Variants in GYPB observed in about 807,000 individuals in gnomAD.
GYPB encodes the protein glycophorin B (MNS blood group), also known as glycophorin-B.
In GYPB, 13 loss-of-function variants were observed where a neutral mutation model predicts 15.3. That is an observed-to-expected ratio of 0.85 (90% CI 0.55 to 1.35). GYPB has a LOEUF of 1.35. GYPB is among the 40% of genes most tolerant of loss of function. The probability of loss-of-function intolerance (pLI) is 0.00; values close to 1 mark genes in which losing one functional copy is unlikely to be tolerated. For missense variants in GYPB, 131 were observed against 108.3 expected, an observed-to-expected ratio of 1.21 and a Z score of -0.93; for synonymous variants, 38 against 36.9, an observed-to-expected ratio of 1.03 and a Z score of -0.11.
At chr4:144,013,867 C>T (rs1408417085) in intron 1 of GYPB, among the ~76,000 whole-genome samples, 1 of 150,172 alleles carries the variant, frequency 6.7e-6, no homozygotes, top group African/African-American at 2.5e-5. Context: ...CACATGTATA[C>T]ATATGTAACC....
At chr4:143,996,780 A>T (rs1278098076) in intron 4 of GYPB, among the ~76,000 whole-genome samples, 1 of 75,006 alleles carries the variant, frequency 1.3e-5, no homozygotes, top group Non-Finnish European at 2.8e-5. Context: ...TCAAAAAAAA[A>T]TTTAAAAAAC....
intron 1 of GYPB, among the ~76,000 whole-genome samples, chr4:144,006,233 A>G (rs1182446165): frequency 6.6e-6 from 1 of 151,952 alleles, no homozygotes; most frequent in Admixed American, 6.5e-5. Context: ...CTAGAAAATG[A>G]AATATTCAAA....
intron 1 of GYPB, among the ~76,000 whole-genome samples, chr4:144,016,064 C>G (rs963994288): frequency 5.0e-5 from 7 of 139,680 alleles, no homozygotes; most frequent in African/African-American, 1.9e-4. Flanking sequence ...TCATGTATTC[C>G]CTGGCATACA....
chr4:144,005,487 T>C (rs1161325588), intron 1 of GYPB, among the ~76,000 whole-genome samples: 5 of 151,936 alleles, frequency 3.3e-5, no homozygotes, highest in Non-Finnish European at 7.3e-5. Context: ...ATGATTTTTT[T>C]CCACACTAAT....
chr4:144,015,349 C>T (rs972046473), intron 1 of GYPB, among the ~76,000 whole-genome samples: 1 of 151,032 alleles, frequency 6.6e-6, no homozygotes, highest in Admixed American at 6.6e-5. Context: ...TAGGTACTTA[C>T]TAAAGATGTG....
intron 1 of GYPB, among the ~76,000 whole-genome samples, chr4:144,002,199 G>T (rs1727665003): frequency 6.6e-6 from 1 of 151,202 alleles, no homozygotes; most frequent in Admixed American, 6.6e-5. Context: ...GGAACTACAA[G>T]AAAGCACAAA....
At chr4:143,999,327 A>G in intron 3 of GYPB, 84 bp downstream of exon 3, 1 of 729,390 alleles carries the variant, frequency 1.4e-6, no homozygotes, top group Non-Finnish European at 2.4e-6. Flanking sequence ...GTTTTAAGAT[A>G]GACACATTTT....
intron 4 of GYPB, among the ~76,000 whole-genome samples, chr4:143,996,832 G>T (rs1472699531): frequency 6.6e-6 from 1 of 151,034 alleles, no homozygotes; most frequent in Non-Finnish European, 1.5e-5. Flanking sequence ...AGAATTCATG[G>T]GTGGAAATTT....
chr4:144,014,643 G>T (rs1437292012), intron 1 of GYPB, among the ~76,000 whole-genome samples: 2 of 151,386 alleles, frequency 1.3e-5, no homozygotes, highest in African/African-American at 4.9e-5. Context: ...GGAAGTGGCT[G>T]CTACTGGGTA....
Position 143,999,375 on chromosome 4 carries a change from G to A in GYPB, c.175+36C>T, listed in dbSNP as rs1234752459. The A allele has an allele frequency of 4.1e-6, 5 of 1,227,944 alleles. No individual in the cohort carries two copies. In the African/African-American group the frequency reaches 4.6e-5, roughly 11 times the overall value. The allele number at this position is 1,227,944 out of a possible 1,614,324, so 76.1% of individuals were successfully genotyped here. ...AAACAAGCAATGGATAGTTTAAAATGGAATGACTTTTATTCTTTGTCAAAT... is the reference window on the plus strand; with the variant it reads ...AAACAAGCAATGGATAGTTTAAAATAGAATGACTTTTATTCTTTGTCAAAT... On this transcript the variant is annotated intron_variant, in intron 3 of 4. Coordinates refer to ENST00000502664, the MANE Select transcript of GYPB (RefSeq NM_002100.6).
chr4:143,998,283 GA>G (rs1255263168), intron 3 of GYPB, among the ~76,000 whole-genome samples: 1 of 151,368 alleles, frequency 6.6e-6, no homozygotes, highest in Non-Finnish European at 1.5e-5. Context: ...TGAAACAATT[GA>G]AATCAATTAA....
Position 144,019,288 on chromosome 4 carries a change from C to G in GYPB, c.-1G>C. 1 of 1,611,608 alleles carries G rather than the reference C, an allele frequency of 6.2e-7. No homozygotes were observed. On this transcript the variant is annotated 5_prime_UTR_variant, in exon 1 of 5. Transcript: ENST00000502664. The stretch of plus-strand genomic sequence containing the variant: ...ATACAAAGATTATTTTTCCATACAT[C>G]CTGAGATCATGAGCTGGTTCCTGAA...
chr4:144,015,178 T>C (rs770458382), intron 1 of GYPB, among the ~76,000 whole-genome samples: 1 of 151,530 alleles, frequency 6.6e-6, no homozygotes, highest in Non-Finnish European at 1.5e-5. Flanking sequence ...GTCCTGATTA[T>C]ATTATATGGT....
intron 1 of GYPB, chr4:144,008,557 C>T: frequency 2.2e-6 from 1 of 452,534 alleles, no homozygotes; most frequent in South Asian, 1.6e-5. Flanking sequence ...TCTGGTCACT[C>T]CTGCCTACTA....
intron 1 of GYPB, among the ~76,000 whole-genome samples, chr4:144,013,781 G>A (rs1265936910): frequency 6.7e-6 from 1 of 150,270 alleles, no homozygotes; most frequent in Non-Finnish European, 1.5e-5. Context: ...GGGTTGGGGG[G>A]GAGGGGGAAG....
intron 1 of GYPB, chr4:144,008,416 G>A (rs991119868): frequency 1.1e-5 from 5 of 455,246 alleles, no homozygotes; most frequent in African/African-American, 1.0e-4. Flanking sequence ...GAGGGTAGGA[G>A]TGTTGTACCT....
At chr4:144,016,280 G>A (rs1368336664) in intron 1 of GYPB, among the ~76,000 whole-genome samples, 3 of 150,438 alleles carry the variant, frequency 2.0e-5, no homozygotes, top group Non-Finnish European at 4.4e-5. Flanking sequence ...AGCACTCACT[G>A]TGTCTAACCA....
At chr4:144,015,643 T>C (rs1420851762) in intron 1 of GYPB, among the ~76,000 whole-genome samples, 1 of 151,428 alleles carries the variant, frequency 6.6e-6, no homozygotes, top group African/African-American at 2.5e-5. Flanking sequence ...CACTACGAAG[T>C]AAGTTTGAGA....
intron 2 of GYPB, among the ~76,000 whole-genome samples, chr4:144,000,907 C>T (rs1727587254): frequency 6.6e-6 from 1 of 151,232 alleles, no homozygotes; most frequent in African/African-American, 2.5e-5. Flanking sequence ...ACTATTAGGT[C>T]CCCTTTATCT....
Sources: gnomAD v4.1 joint callset for allele counts (sites outside exome capture counted in the v4.1 genomes callset) on GRCh38, gnomAD v4.1.1 for gene constraint, MANE v1.5 for transcripts, NCBI Gene and HGNC (gene_info 2026-07-23, HGNC 2026-07-21) for gene names.